CFAP70: variants seen among roughly 807,000 people sequenced by gnomAD.
CFAP70 encodes the protein cilia and flagella associated protein 70.
CFAP70 carries 81 observed loss-of-function variants against 137.6 expected under a neutral mutation model. That is an observed-to-expected ratio of 0.59 (90% CI 0.49 to 0.71). The LOEUF (loss-of-function observed/expected upper bound fraction) is 0.71. Among genes scored for constraint, CFAP70 ranks in the 30% least tolerant of loss-of-function variants. CFAP70 has a pLI of 0.00. For synonymous variants in CFAP70, 382 were observed against 423.6 expected, an observed-to-expected ratio of 0.90 and a Z score of 1.20; for missense variants, 976 against 1,226.7, an observed-to-expected ratio of 0.80 and a Z score of 3.05.
intron 7 of CFAP70, among the ~76,000 whole-genome samples, chr10:73,332,391 T>C (rs1409342098): frequency 1.3e-5 from 2 of 152,172 alleles, no homozygotes; most frequent in Non-Finnish European, 2.9e-5. Flanking sequence ...GTGTTCTCCC[T>C]ATCAAAGGGT....
intron 4 of CFAP70, among the ~76,000 whole-genome samples, chr10:73,346,774 C>T (rs2053752991): frequency 6.6e-6 from 1 of 152,130 alleles, no homozygotes; most frequent in African/African-American, 2.4e-5. Flanking sequence ...AAAATCTATA[C>T]TAGAGACCTG....
rs2054225354 is a variant in CFAP70 at position 73,351,102 on chromosome 10, T to TATAC, written c.250+2453_250+2454insGTAT. Among the ~76,000 whole-genome samples, 3 of 132,412 alleles carry TATAC rather than the reference T, an allele frequency of 2.3e-5. No homozygotes were observed. The South Asian group carries it at 7.2e-4, about 32-fold the overall frequency. The allele number at this position is 132,412 out of a possible 152,430, so 86.9% of individuals were successfully genotyped here. ...ATATATATATATATATATATATATA[T>TATAC]ATATATATATGTATGTTTTGTTTTT... On this transcript the variant is annotated intron_variant, in intron 3 of 26. Coordinates refer to ENST00000310715, the Ensembl canonical transcript of CFAP70.
intron 8 of CFAP70, among the ~76,000 whole-genome samples, chr10:73,324,244 A>G (rs949175057): frequency 2.6e-5 from 4 of 152,236 alleles, no homozygotes; most frequent in African/African-American, 9.6e-5. Context: ...GTGGACCTCT[A>G]GCAAACTTCA....
At chr10:73,328,884 T>C (rs2051760544) in intron 8 of CFAP70, among the ~76,000 whole-genome samples, 2 of 150,274 alleles carry the variant, frequency 1.3e-5, no homozygotes, top group Non-Finnish European at 1.5e-5. Flanking sequence ...ACTTTTACAC[T>C]GTTGGTGGGA....
chr10:73,272,121 G>A (rs1357890372), intron 24 of CFAP70, among the ~76,000 whole-genome samples: 2 of 152,138 alleles, frequency 1.3e-5, no homozygotes, highest in Non-Finnish European at 2.9e-5. Flanking sequence ...GATCACTTGA[G>A]GTCAGGAGTT....
chr10:73,275,244 G>T lies in CFAP70; in HGVS notation c.2673+202C>A. ...TCTGCCTGCCTCGGCCTCCCAAAGTGCTGCGATTACAGTTGTGAGCCACCG... is the reference window on the plus strand; with the variant it reads ...TCTGCCTGCCTCGGCCTCCCAAAGTTCTGCGATTACAGTTGTGAGCCACCG... On this transcript the variant is annotated intron_variant, in intron 22 of 26. Coordinates refer to ENST00000310715, the Ensembl canonical transcript of CFAP70. This position sits in a 1 kb window ranked among gnomAD's most constrained non-coding sequence, Gnocchi z 4.0. 2.7e-6 allele frequency: 1 copy of T among 367,202 alleles called. No individual in the cohort carries two copies. Among genetic ancestry groups the T allele is most frequent in the East Asian group, 5.2e-5 (1 of 19,052 alleles). 22.7% of individuals were successfully genotyped at this position (367,202 alleles called of 1,614,324 possible).
chr10:73,265,524 A>G (rs1375208883), intron 25 of CFAP70, among the ~76,000 whole-genome samples: 1 of 152,150 alleles, frequency 6.6e-6, no homozygotes, highest in Non-Finnish European at 1.5e-5. Flanking sequence ...TGAATATACT[A>G]TAGTTTATTT....
chr10:73,299,795 G>A (rs1248935212), intron 12 of CFAP70, 130 bp from the exon 14 acceptor site: 5 of 624,462 alleles, frequency 8.0e-6, no homozygotes, highest in Non-Finnish European at 1.1e-5. Context: ...CACTGCACTT[G>A]AGCACTGTGC....
At chr10:73,323,344 G>C (rs1347917940) in intron 8 of CFAP70, among the ~76,000 whole-genome samples, 1 of 146,920 alleles carries the variant, frequency 6.8e-6, no homozygotes, top group African/African-American at 2.5e-5. Context: ...GGGGGGGGCA[G>C]CCAAGATGGC....
chr10:73,334,380 T>G (rs1164211935), intron 7 of CFAP70, among the ~76,000 whole-genome samples: 1 of 152,140 alleles, frequency 6.6e-6, no homozygotes, highest in Non-Finnish European at 1.5e-5. Flanking sequence ...GCAGCATGTG[T>G]CCTTTTTAAT....
chr10:73,279,523 C>CAATCAATA (rs1554884340), intron 19 of CFAP70, among the ~76,000 whole-genome samples: 2 of 129,336 alleles, frequency 1.5e-5, no homozygotes, highest in Non-Finnish European at 3.3e-5. Flanking sequence ...GACTCTGTCT[C>CAATCAATA]AATAAATAAA....
chr10:73,310,553 A>G (rs2049824166), intron 11 of CFAP70, among the ~76,000 whole-genome samples: 1 of 152,134 alleles, frequency 6.6e-6, no homozygotes, highest in Non-Finnish European at 1.5e-5. Flanking sequence ...GTTTTAAGTG[A>G]ATGCCTTTCT....
At chr10:73,283,184 T>C (rs1470015652) in intron 19 of CFAP70, among the ~76,000 whole-genome samples, 1 of 152,224 alleles carries the variant, frequency 6.6e-6, no homozygotes, top group African/African-American at 2.4e-5. Context: ...AGTTTGGTTC[T>C]GTCATGGTCT....
intron 19 of CFAP70, among the ~76,000 whole-genome samples, chr10:73,290,946 C>A (rs2131903557): frequency 6.6e-6 from 1 of 152,284 alleles, no homozygotes; most frequent in African/African-American, 2.4e-5. Flanking sequence ...TGTATTCATT[C>A]ATTTAACAAA....
intron 4 of CFAP70, among the ~76,000 whole-genome samples, chr10:73,345,476 T>A (rs1192822314): frequency 2.0e-5 from 3 of 152,114 alleles, no homozygotes; most frequent in Non-Finnish European, 4.4e-5. Context: ...GTAAAGTATA[T>A]ATATAAATAC....
chr10:73,267,099 T>G (rs1160460565), intron 25 of CFAP70, among the ~76,000 whole-genome samples: 3 of 152,202 alleles, frequency 2.0e-5, no homozygotes, highest in Admixed American at 6.5e-5. Flanking sequence ...ATTTCAGTTA[T>G]GTACTGAAGT....
chr10:73,333,610 G>C (rs2052341916), intron 7 of CFAP70, among the ~76,000 whole-genome samples: 1 of 149,468 alleles, frequency 6.7e-6, no homozygotes. Flanking sequence ...ACTATTTAAA[G>C]TTGTGAAAGA....
At chr10:73,309,468 T>G (rs1043571950) in intron 12 of CFAP70, among the ~76,000 whole-genome samples, 1 of 151,894 alleles carries the variant, frequency 6.6e-6, no homozygotes, top group African/African-American at 2.4e-5. Flanking sequence ...GATCTGGATG[T>G]TTTTATTTTT....
chr10:73,299,702 A>T (rs777959668), intron 12 of CFAP70, 37 bp from the exon 14 acceptor site: 1 of 1,518,988 alleles, frequency 6.6e-7, no homozygotes, highest in Admixed American at 1.8e-5. Context: ...AAAACAAAAA[A>T]AAATTTATTA....
Sources: allele counts gnomAD v4.1 joint callset (sites outside exome capture counted in the v4.1 genomes callset), GRCh38; gene constraint gnomAD v4.1.1; non-coding constraint Gnocchi (gnomAD v3.1); transcripts MANE v1.5; gene names NCBI Gene and HGNC (gene_info 2026-07-23, HGNC 2026-07-21).